NCKAP5: variants seen among roughly 807,000 people sequenced by gnomAD.
NCKAP5 encodes the protein NCK associated protein 5, also known as nck-associated protein 5.
Under a neutral mutation model 167.0 loss-of-function variants are expected in NCKAP5, and 92 were observed. That is an observed-to-expected ratio of 0.55 (90% CI 0.47 to 0.66). The LOEUF is 0.66. Among genes scored for constraint, NCKAP5 ranks in the 30% least tolerant of loss-of-function variants. The pLI is 0.00. For synonymous variants in NCKAP5, 891 were observed against 877.4 expected, an observed-to-expected ratio of 1.02 and a Z score of -0.27; for missense variants, 2,378 against 2,315.0, an observed-to-expected ratio of 1.03 and a Z score of -0.56.
intron 6 of NCKAP5, among the ~76,000 whole-genome samples, chr2:133,026,195 G>GTTTGTGGT (rs2078690866): frequency 6.6e-6 from 1 of 151,662 alleles, no homozygotes; most frequent in African/African-American, 2.4e-5. Context: ...ATGGTTTGTG[G>GTTTGTGGT]TTTTTTTCTT....
chr2:133,350,356 T>C (rs1373098113), intron 3 of NCKAP5, among the ~76,000 whole-genome samples: 1 of 152,096 alleles, frequency 6.6e-6, no homozygotes, highest in Non-Finnish European at 1.5e-5. Flanking sequence ...GAGGTTAAAG[T>C]AAGCTATGAT....
At chr2:133,084,606 A>G (rs1160819875) in intron 6 of NCKAP5, among the ~76,000 whole-genome samples, 1 of 152,126 alleles carries the variant, frequency 6.6e-6, no homozygotes, top group Non-Finnish European at 1.5e-5. Context: ...CACTAACCTT[A>G]AGCACATCGA....
At chr2:132,742,298 T>C (rs1679267101) in intron 16 of NCKAP5, among the ~76,000 whole-genome samples, 1 of 151,948 alleles carries the variant, frequency 6.6e-6, no homozygotes. Flanking sequence ...ACATCTGCCT[T>C]GATAAGACAC....
intron 5 of NCKAP5, among the ~76,000 whole-genome samples, chr2:133,157,094 C>T (rs2083602283): frequency 6.6e-6 from 1 of 152,220 alleles, no homozygotes; most frequent in Admixed American, 6.5e-5. Context: ...CAATGCCAAC[C>T]CACAATAATT....
intron 3 of NCKAP5, among the ~76,000 whole-genome samples, chr2:133,388,903 G>T (rs768834084): frequency 6.6e-6 from 1 of 152,178 alleles, no homozygotes; most frequent in East Asian, 1.9e-4. Flanking sequence ...TATTAGGGTG[G>T]GAGTGACCTG....
At chr2:132,815,482 C>T (rs1213293060) in intron 11 of NCKAP5, among the ~76,000 whole-genome samples, 2 of 152,160 alleles carry the variant, frequency 1.3e-5, no homozygotes, top group African/African-American at 2.4e-5. Context: ...ACAAATATTG[C>T]TCCTCAAATA....
chr2:133,192,682 A>C (rs2150086098), intron 5 of NCKAP5, among the ~76,000 whole-genome samples: 1 of 152,232 alleles, frequency 6.6e-6, no homozygotes, highest in Non-Finnish European at 1.5e-5. Context: ...AGTAATGCAA[A>C]CTAAAACGAC....
intron 8 of NCKAP5, among the ~76,000 whole-genome samples, chr2:132,925,083 T>G (rs181443909): frequency 6.6e-6 from 1 of 152,146 alleles, no homozygotes. Context: ...TCAACATTTT[T>G]GGCACCAAGG....
At position 133,191,953 on chromosome 2, in the gene NCKAP5, G is replaced by T. The variant is rs1039364541; in HGVS notation, c.207+21763C>A. 2.6e-5 allele frequency among the ~76,000 whole-genome samples: 4 copies of T among 151,886 alleles called. No homozygotes were observed. The East Asian group carries it at 5.8e-4, about 22-fold the overall frequency. The stretch of plus-strand genomic sequence containing the variant: ...CCAGTGAGATATTTTTTAAATATAT[G>T]CAGGATTATTCTAAAATATATATGG... On this transcript the variant is annotated intron_variant, in intron 5 of 19. Coordinates refer to ENST00000409261, the MANE Select transcript of NCKAP5 (RefSeq NM_207363.3).
chr2:133,242,985 C>T (rs1354296070), intron 4 of NCKAP5, among the ~76,000 whole-genome samples: 1 of 152,108 alleles, frequency 6.6e-6, no homozygotes, highest in Admixed American at 6.5e-5. Context: ...GAAAGACTTC[C>T]TCATAATCAT....
chr2:133,658,552 G>A, the NCKAP5 span, among the ~76,000 whole-genome samples: 2 of 152,132 alleles, frequency 1.3e-5, no homozygotes, highest in Admixed American at 1.3e-4. Flanking sequence ...CCTGGTATTT[G>A]TGTGTGATAC....
intron 4 of NCKAP5, among the ~76,000 whole-genome samples, chr2:133,243,525 G>T (rs1188836362): frequency 1.3e-5 from 2 of 152,132 alleles, no homozygotes; most frequent in Admixed American, 1.3e-4. Context: ...AATGCCAATT[G>T]GTCCTCTTCC....
intron 3 of NCKAP5, among the ~76,000 whole-genome samples, chr2:133,466,004 T>A (rs1692556603): frequency 6.6e-6 from 1 of 152,014 alleles, no homozygotes; most frequent in Non-Finnish European, 1.5e-5. Context: ...GCAGAAGTTC[T>A]TTAGTTTAAT....
intron 8 of NCKAP5, among the ~76,000 whole-genome samples, chr2:132,883,148 G>A (rs550682648): frequency 2.7e-5 from 4 of 150,714 alleles, no homozygotes; most frequent in South Asian, 4.2e-4. Flanking sequence ...GGCTGCATGA[G>A]CTATGATTGT....
chr2:132,770,696 T>A (rs1681966288), intron 16 of NCKAP5, among the ~76,000 whole-genome samples: 1 of 152,110 alleles, frequency 6.6e-6, no homozygotes, highest in African/African-American at 2.4e-5. Context: ...GAAACATTCA[T>A]AAAGAACACA....
intron 16 of NCKAP5, among the ~76,000 whole-genome samples, chr2:132,758,766 A>G (rs1034227548): frequency 4.6e-5 from 7 of 152,188 alleles, no homozygotes; most frequent in African/African-American, 1.4e-4. Context: ...AGATCAGACG[A>G]GCAAACCAAA....
intron 4 of NCKAP5, among the ~76,000 whole-genome samples, chr2:133,300,351 T>A (rs1225772454): frequency 7.5e-6 from 1 of 133,558 alleles, no homozygotes; most frequent in African/African-American, 3.2e-5. Flanking sequence ...ACGAATATCC[T>A]TGATGAACAC....
At chr2:132,720,576 G>A (rs529512050) in intron 19 of NCKAP5, among the ~76,000 whole-genome samples, 3 of 152,280 alleles carry the variant, frequency 2.0e-5, no homozygotes, top group African/African-American at 2.4e-5. Flanking sequence ...CCAGCAGGGT[G>A]AGCAGCTAGG....
intron 4 of NCKAP5, 107 bp from the exon 5 acceptor site, chr2:133,213,886 G>C (rs1245869314): frequency 2.9e-6 from 3 of 1,019,994 alleles, no homozygotes; most frequent in South Asian, 2.7e-5. Context: ...TCCTTCCTTG[G>C]TTTAGCTCAC....
Sources: allele counts gnomAD v4.1 joint callset (sites outside exome capture counted in the v4.1 genomes callset), GRCh38; gene constraint gnomAD v4.1.1; transcripts MANE v1.5; gene names NCBI Gene and HGNC (gene_info 2026-07-23, HGNC 2026-07-21).